NSMCE2: variants seen among roughly 807,000 people sequenced by gnomAD.
NSMCE2 encodes NSE2 SUMO ligase component of SMC5/6 complex, also known as E3 SUMO-protein ligase NSE2.
Under a neutral mutation model 23.8 loss-of-function variants are expected in NSMCE2, and 24 were observed. That is an observed-to-expected ratio of 1.01 (90% CI 0.73 to 1.42). NSMCE2 has a LOEUF of 1.42. NSMCE2 is among the 40% of genes most tolerant of loss of function. The pLI is 0.00. For missense variants in NSMCE2, 284 were observed against 296.5 expected (o/e 0.96, Z 0.31); for synonymous variants, 92 against 94.1 (o/e 0.98, Z 0.13).
chr8:125,202,309 G>A (rs1009782087), intron 5 of NSMCE2, among the ~76,000 whole-genome samples: 3 of 152,216 alleles, frequency 2.0e-5, no homozygotes, highest in Non-Finnish European at 1.5e-5. Context: ...ATCACGCTGG[G>A]AGCTGCAGAC....
intron 5 of NSMCE2, among the ~76,000 whole-genome samples, chr8:125,300,344 G>T (rs1402015542): frequency 6.6e-6 from 1 of 151,504 alleles, no homozygotes; most frequent in East Asian, 1.9e-4. Context: ...TTTTGTTTTA[G>T]TAGAGACAGG....
Position 125,318,928 on chromosome 8 carries a change from G to A in NSMCE2, c.419-38291G>A, listed in dbSNP as rs1370913070. Among the ~76,000 whole-genome samples the A allele has an allele frequency of 2.0e-5, 3 of 152,166 alleles. No individual in the cohort carries two copies. The East Asian group carries it at 5.8e-4, about 29-fold the overall frequency. ...GATAGCTAGACTAGAGTAGAGAGAT[G>A]CACAAAGAGAGAAATCTGGAGATGT... On this transcript the variant is annotated intron_variant, in intron 5 of 7. Coordinates refer to ENST00000287437, the MANE Select transcript of NSMCE2 (RefSeq NM_173685.4).
At chr8:125,114,178 T>C (rs1457177307) in intron 3 of NSMCE2, among the ~76,000 whole-genome samples, 1 of 152,190 alleles carries the variant, frequency 6.6e-6, no homozygotes, top group Admixed American at 6.5e-5. Flanking sequence ...CTTTCTCTGC[T>C]TTATTTTTCT....
At chr8:125,221,994 T>C (rs1162383736) in intron 5 of NSMCE2, among the ~76,000 whole-genome samples, 1 of 152,182 alleles carries the variant, frequency 6.6e-6, no homozygotes, top group Non-Finnish European at 1.5e-5. Flanking sequence ...ATATTATAAA[T>C]ATTCACCTTA....
chr8:125,211,244 CTA>C (rs1448271357), intron 5 of NSMCE2, among the ~76,000 whole-genome samples: 1 of 152,144 alleles, frequency 6.6e-6, no homozygotes, highest in African/African-American at 2.4e-5. Context: ...GTGCAAAAGA[CTA>C]TGGTGAAAAG....
intron 5 of NSMCE2, among the ~76,000 whole-genome samples, chr8:125,195,173 A>G (rs1823556395): frequency 6.6e-6 from 1 of 152,128 alleles, no homozygotes; most frequent in South Asian, 2.1e-4. Flanking sequence ...GGAGGTGCTC[A>G]CCCATCCCTA....
chr8:125,182,284 G>A (rs747343849), intron 5 of NSMCE2, 28 bp downstream of exon 5: 81 of 1,576,712 alleles, frequency 5.1e-5, no homozygotes, highest in African/African-American at 2.7e-5. Context: ...GCTTTGGTTC[G>A]GCTTTTTGAA....
At chr8:125,330,177 C>CTTTTTTTTTTTTTTT (rs34345598) in intron 5 of NSMCE2, among the ~76,000 whole-genome samples, 1 of 119,122 alleles carries the variant, frequency 8.4e-6, no homozygotes, top group Non-Finnish European at 1.6e-5. Context: ...TTTCTTTTTT[C>CTTTTTTTTTTTTTTT]TTTCTTTTTT....
intron 5 of NSMCE2, among the ~76,000 whole-genome samples, chr8:125,189,413 G>C (rs187176358): frequency 6.6e-6 from 1 of 152,202 alleles, no homozygotes; most frequent in Non-Finnish European, 1.5e-5. Context: ...AAGAAGGAGA[G>C]GAAGTTGCTT....
At chr8:125,230,886 G>A (rs1825295070) in intron 5 of NSMCE2, among the ~76,000 whole-genome samples, 2 of 152,162 alleles carry the variant, frequency 1.3e-5, no homozygotes, top group Non-Finnish European at 2.9e-5. Flanking sequence ...AGTACAGGTG[G>A]ACAGGTCAGG....
intron 3 of NSMCE2, among the ~76,000 whole-genome samples, chr8:125,115,061 T>G (rs1469504144): frequency 6.6e-6 from 1 of 152,200 alleles, no homozygotes; most frequent in Non-Finnish European, 1.5e-5. Context: ...ATCCTCATGC[T>G]CCAACTCTCA....
Position 125,365,413 on chromosome 8 carries a change from G to T in NSMCE2, c.627-1355G>T, listed in dbSNP as rs547919833. Among the ~76,000 whole-genome samples, 3 of 152,192 alleles carry T rather than the reference G, an allele frequency of 2.0e-5. No individual in the cohort carries two copies. The South Asian group carries it at 6.2e-4, about 31-fold the overall frequency. On this transcript the variant is annotated intron_variant, in intron 7 of 7. Transcript: ENST00000287437. Reference sequence around the variant, plus strand: ...TGCCCTCACCTCTCTCCTGCACCCTGCAGGATCCCCCATGCTATTTTCCCT... The same window carrying T: ...TGCCCTCACCTCTCTCCTGCACCCTTCAGGATCCCCCATGCTATTTTCCCT...
intron 5 of NSMCE2, among the ~76,000 whole-genome samples, chr8:125,325,776 A>AC: frequency 6.6e-6 from 1 of 151,932 alleles, no homozygotes; most frequent in African/African-American, 2.4e-5. Context: ...ACATGGTGAA[A>AC]CCCCCACTCT....
At chr8:125,320,742 T>C (rs2131267800) in intron 5 of NSMCE2, among the ~76,000 whole-genome samples, 1 of 152,320 alleles carries the variant, frequency 6.6e-6, no homozygotes, top group Non-Finnish European at 1.5e-5. Flanking sequence ...CAAGAAATGT[T>C]AAAGGGAAAC....
At chr8:125,303,599 G>A (rs1345639885) in intron 5 of NSMCE2, among the ~76,000 whole-genome samples, 1 of 152,160 alleles carries the variant, frequency 6.6e-6, no homozygotes, top group Non-Finnish European at 1.5e-5. Context: ...TTAGGAAAAG[G>A]AGGTAATTTA....
At chr8:125,331,193 G>A (rs1032478216) in intron 5 of NSMCE2, among the ~76,000 whole-genome samples, 5 of 152,252 alleles carry the variant, frequency 3.3e-5, no homozygotes, top group East Asian at 3.9e-4. Flanking sequence ...CCAGCTACTC[G>A]GGAGGCTGAG....
intron 3 of NSMCE2, among the ~76,000 whole-genome samples, chr8:125,109,311 T>A (rs1328691744): frequency 6.6e-6 from 1 of 152,312 alleles, no homozygotes; most frequent in East Asian, 1.9e-4. Flanking sequence ...ACAAATTACT[T>A]AGAATAGTAG....
chr8:125,353,125 G>A (rs1345997297), intron 5 of NSMCE2, among the ~76,000 whole-genome samples: 1 of 152,254 alleles, frequency 6.6e-6, no homozygotes, highest in Non-Finnish European at 1.5e-5. Context: ...TTTAAAAATA[G>A]GAAATAGCAA....
intron 5 of NSMCE2, among the ~76,000 whole-genome samples, chr8:125,236,147 CTG>C (rs905796129): frequency 1.3e-5 from 2 of 152,170 alleles, no homozygotes; most frequent in African/African-American, 4.8e-5. Context: ...AAGTGGAGAA[CTG>C]AAACTTTTTG....
Sources: allele counts gnomAD v4.1 joint callset (sites outside exome capture counted in the v4.1 genomes callset), GRCh38; gene constraint gnomAD v4.1.1; transcripts MANE v1.5; gene names NCBI Gene and HGNC (gene_info 2026-07-23, HGNC 2026-07-21).